Variants in DHRS7 observed in about 807,000 individuals in gnomAD.
The protein encoded by DHRS7 is dehydrogenase/reductase SDR family member 7.
Under a neutral mutation model 38.9 loss-of-function variants are expected in DHRS7, and 34 were observed. The ratio of observed to expected loss-of-function variants is 0.87; its 90% confidence interval spans 0.66 to 1.16. The LOEUF is 1.16. DHRS7 is among the 50% of genes most tolerant of loss of function. The pLI, the probability that DHRS7 is intolerant of heterozygous loss-of-function variation, is 0.00. For missense variants in DHRS7, 421 were observed against 407.0 expected (o/e 1.03, Z -0.30); for synonymous variants, 158 against 153.1 (o/e 1.03, Z -0.24).
rs1259753530 is a variant in DHRS7 at position 60,165,050 on chromosome 14, G to A, written c.133+127C>T. Reference sequence around the variant, plus strand: ...CAGCCCCTGCGTAAGGGGCAGCCGGGCCTTCGGGAAGCTCCACGCAACCCA... The same window carrying A: ...CAGCCCCTGCGTAAGGGGCAGCCGGACCTTCGGGAAGCTCCACGCAACCCA... On this transcript the variant is annotated intron_variant, in intron 1 of 6. Coordinates refer to ENST00000557185, the MANE Select transcript of DHRS7 (RefSeq NM_016029.4). This position sits in a 1 kb window ranked among gnomAD's most constrained non-coding sequence, Gnocchi z 4.6. The A allele has an allele frequency of 1.8e-5, 22 of 1,236,132 alleles. No homozygotes were observed. Among genetic ancestry groups the A allele is most frequent in the African/African-American group, 4.5e-5 (3 of 66,862 alleles). 76.6% of individuals were successfully genotyped at this position (1,236,132 alleles called of 1,614,324 possible).
At chr14:60,157,562 C>T (rs770908071) in intron 1 of DHRS7, among the ~76,000 whole-genome samples, 2 of 152,130 alleles carry the variant, frequency 1.3e-5, no homozygotes, top group Non-Finnish European at 2.9e-5. Context: ...CTACTAAAAG[C>T]CTCACCAGAA....
chr14:60,169,132 C>CAAAAAAAAAAA (rs1566539341), upstream of DHRS7: 1 of 31,096 alleles, frequency 3.2e-5, no homozygotes, highest in Admixed American at 3.7e-4. Flanking sequence ...ACAAAAGAAA[C>CAAAAAAAAAAA]CAAAAAAAAA....
chr14:60,158,046 A>C (rs1896692230), intron 1 of DHRS7, among the ~76,000 whole-genome samples: 1 of 152,012 alleles, frequency 6.6e-6, no homozygotes, highest in South Asian at 2.1e-4. Context: ...CAGCCTGGCC[A>C]ACATGATGGA....
chr14:60,147,504 T>G (rs1896438338), intron 6 of DHRS7: 1 of 152,190 alleles, frequency 6.6e-6, no homozygotes, highest in South Asian at 2.1e-4. Flanking sequence ...TATATAATTT[T>G]TATGTGTCAA....
intron 1 of DHRS7, among the ~76,000 whole-genome samples, chr14:60,158,064 C>G (rs1051253759): frequency 2.0e-5 from 3 of 151,824 alleles, no homozygotes; most frequent in Non-Finnish European, 2.9e-5. Flanking sequence ...GGAACCTGTT[C>G]TCTATGAAAA....
At chr14:60,168,153 A>G (rs1461639055), upstream of DHRS7, among the ~76,000 whole-genome samples, 2 of 152,156 alleles carry the variant, frequency 1.3e-5, no homozygotes, top group East Asian at 3.8e-4. Flanking sequence ...TAGTAATCTC[A>G]TGGGATCCCT....
intron 5 of DHRS7, 91 bp from the exon 6 acceptor site, chr14:60,149,659 T>A: frequency 2.0e-6 from 2 of 983,182 alleles, no homozygotes; most frequent in South Asian, 3.3e-5. Flanking sequence ...AGTTGAGTGG[T>A]TCCTTTAGTG....
At chr14:60,155,329 G>T (rs1247760092) in intron 2 of DHRS7, among the ~76,000 whole-genome samples, 1 of 152,006 alleles carries the variant, frequency 6.6e-6, no homozygotes, top group Non-Finnish European at 1.5e-5. Flanking sequence ...CACGTCTGTG[G>T]CCCCAGCTAC....
intron 4 of DHRS7, chr14:60,152,671 A>T (rs928937891): frequency 4.5e-5 from 21 of 464,080 alleles, no homozygotes; most frequent in Non-Finnish European, 7.4e-5. Context: ...CAGAGACCAC[A>T]TCTTATTATC....
At chr14:60,168,874 A>T, upstream of DHRS7, 1 of 1,190,756 alleles carries the variant, frequency 8.4e-7, no homozygotes, top group South Asian at 1.9e-5. Flanking sequence ...AACTTGACAT[A>T]TTAGAACACT....
chr14:60,155,475 A>C (rs1055965582), intron 2 of DHRS7, among the ~76,000 whole-genome samples: 1 of 152,128 alleles, frequency 6.6e-6, no homozygotes, highest in Non-Finnish European at 1.5e-5. Context: ...ACATAACTAC[A>C]CCAAAATTCA....
chr14:60,156,057 G>A lies in DHRS7; in HGVS notation c.229C>T (p.Leu77Phe), dbSNP rs1222197158. The change falls in exon 2 of 7, where the codon CTT becomes TTT. Residue 77 changes from leucine (L) to phenylalanine (F), a missense_variant. Physicochemically the swap from Leu to Phe is conservative, Grantham distance 22. Transcript: ENST00000557185. The stretch of plus-strand genomic sequence containing the variant: ...TGCACTCTTCTGGCTGACAGCACAA[G>A]AGAAACTCCTAGTTTAGACAACTGG... ...AYQLSKLGVS[L>F]VLSARRVHEL... 6.2e-7 allele frequency: 1 copy of A among 1,606,018 alleles called. No individual in the cohort carries two copies. The highest frequency in any genetic ancestry group is 1.7e-5 in the Admixed American group (1 of 58,810).
Position 60,144,589 on chromosome 14 carries a change from G to A in DHRS7, c.*377C>T. 1 of 217,478 alleles carries A rather than the reference G, an allele frequency of 4.6e-6. No individual in the cohort carries two copies. The highest frequency in any genetic ancestry group is 6.8e-5 in the South Asian group (1 of 14,656). 13.5% of individuals were successfully genotyped at this position (217,478 alleles called of 1,614,324 possible). On this transcript the variant is annotated 3_prime_UTR_variant, in exon 7 of 7. Coordinates refer to ENST00000557185, the MANE Select transcript of DHRS7 (RefSeq NM_016029.4). ...AGACACTAATTCTGCTGGTGCATTG[G>A]TCTTGGAATTCCCAGCCTCAAGAGC...
At position 60,153,194 on chromosome 14, in the gene DHRS7, C is replaced by A; in HGVS notation, c.394-16G>T. On this transcript the variant is annotated splice_polypyrimidine_tract_variant and intron_variant, in intron 3 of 6. Transcript: ENST00000557185. This position sits in a 1 kb window ranked among gnomAD's most constrained non-coding sequence, Gnocchi z 4.4. ...GAATGTCGATCTAGTTAAATAAAAT[C>A]AGAAAAGGGGTGTTTGGGGGATGTC... 1.9e-6 allele frequency: 3 copies of A among 1,613,576 alleles called. No individual in the cohort carries two copies. The highest frequency in any genetic ancestry group is 1.1e-5 in the South Asian group (1 of 91,010).
Position 60,149,362 on chromosome 14 carries a change from C to G in DHRS7, c.963G>C (p.Lys321Asn). 1 of 1,614,166 alleles carries G rather than the reference C, an allele frequency of 6.2e-7. No individual in the cohort carries two copies. The highest frequency in any genetic ancestry group is 8.5e-7 in the Non-Finnish European group (1 of 1,179,998). Residue 321 changes from lysine (K) to asparagine (N), a missense_variant, in exon 6 of 7, where the codon AAG becomes AAC. Lys to Asn is a moderately conservative substitution (Grantham distance 94). Transcript: ENST00000557185. ...KMGKKRIENF[K>N]SGVDADSSYF... ...TAGAAATTGGTCTTACCACACCACT[C>G]TTAAAGTTCTCAATCCTTTTCTTCC... is the stretch of plus-strand genomic sequence containing the variant.
rs1300876163 is a variant in DHRS7, at chr14:60,144,853, A to T, written c.*113T>A. On this transcript the variant is annotated 3_prime_UTR_variant, in exon 7 of 7. Coordinates refer to ENST00000557185, the MANE Select transcript of DHRS7 (RefSeq NM_016029.4). ...CCATGTTGGAAGCAAAGTCATATCTATTAAAAAGTAAAATCACAAATTAGT... is the reference window on the plus strand; with the variant it reads ...CCATGTTGGAAGCAAAGTCATATCTTTTAAAAAGTAAAATCACAAATTAGT... 1.1e-6 allele frequency: 1 copy of T among 903,170 alleles called. No homozygotes were observed. The highest frequency in any genetic ancestry group is 1.5e-5 in the South Asian group (1 of 67,252). The allele number at this position is 903,170 out of a possible 1,614,324, so 55.9% of individuals were successfully genotyped here. A position where few individuals can be genotyped will look rare whatever the true frequency, so the allele number is the denominator to read the frequency against.
In DHRS7 at chr14:60,165,366, C is replaced by T. The variant is rs903749756; in HGVS notation, c.-57G>A. The T allele has an allele frequency of 5.9e-6, 9 of 1,531,422 alleles. No homozygotes were observed. Among genetic ancestry groups the T allele is most frequent in the African/African-American group, 1.4e-5 (1 of 73,214 alleles). 94.9% of individuals were successfully genotyped at this position (1,531,422 alleles called of 1,614,324 possible). Reference sequence around the variant, plus strand: ...AAGACGGCCCGCACCAGAGTCGCGTCGCTGCCCTGCGGGATCGCAGCGCCA... The same window carrying T: ...AAGACGGCCCGCACCAGAGTCGCGTTGCTGCCCTGCGGGATCGCAGCGCCA... On this transcript the variant is annotated 5_prime_UTR_variant, in exon 1 of 7. Coordinates refer to ENST00000557185, the MANE Select transcript of DHRS7 (RefSeq NM_016029.4). This position sits in a 1 kb window ranked among gnomAD's most constrained non-coding sequence, Gnocchi z 4.6.
At chr14:60,149,690 G>T in intron 5 of DHRS7, 122 bp from the exon 6 acceptor site, 1 of 692,964 alleles carries the variant, frequency 1.4e-6, no homozygotes, top group Non-Finnish European at 2.4e-6. Context: ...CCCCTTAGGA[G>T]TCTCCATAGG....
intron 1 of DHRS7, among the ~76,000 whole-genome samples, chr14:60,163,763 TA>T (rs1339896808): frequency 3.3e-5 from 5 of 152,244 alleles, no homozygotes; most frequent in African/African-American, 1.2e-4. Context: ...ATGGGTTGAA[TA>T]TTTTTTGTAG....
Sources: gnomAD v4.1 joint callset for allele counts (sites outside exome capture counted in the v4.1 genomes callset) on GRCh38, gnomAD v4.1.1 for gene constraint, Gnocchi (gnomAD v3.1) non-coding constraint, MANE v1.5 for transcripts, NCBI Gene and HGNC (gene_info 2026-07-23, HGNC 2026-07-21) for gene names.